The following AUTS2 variants were observed in gnomAD, a reference collection of about 807,000 sequenced individuals.
AUTS2 encodes activator of transcription and developmental regulator AUTS2, also known as autism susceptibility gene 2 protein.
In AUTS2, 17 loss-of-function variants were observed where a neutral mutation model predicts 112.4. The observed-to-expected ratio is 0.15, with a 90% CI of 0.10 to 0.23. The LOEUF is 0.23. Ranked by LOEUF, AUTS2 falls within the 10% of genes least tolerant of loss-of-function variation. AUTS2 has a pLI of 1.00. For synonymous variants in AUTS2, 751 were observed against 702.7 expected (o/e 1.07, Z -1.09); for missense variants, 1,510 against 1,701.6 (o/e 0.89, Z 1.98).
intron 5 of AUTS2, among the ~76,000 whole-genome samples, chr7:70,549,095 T>C (rs540421351): frequency 6.6e-6 from 1 of 152,242 alleles, no homozygotes; most frequent in Non-Finnish European, 1.5e-5. Flanking sequence ...CAATGTATTA[T>C]AGTTTTTGGT....
intron 2 of AUTS2, among the ~76,000 whole-genome samples, chr7:69,927,756 G>A (rs1397989077): frequency 2.6e-5 from 4 of 152,202 alleles, no homozygotes; most frequent in African/African-American, 2.4e-5. Flanking sequence ...CACAGGTACC[G>A]GCCCCATGTG....
chr7:70,241,796 A>G (rs1046786524), intron 4 of AUTS2, among the ~76,000 whole-genome samples: 1 of 152,298 alleles, frequency 6.6e-6, no homozygotes, highest in Non-Finnish European at 1.5e-5. Context: ...TTTACAGGCA[A>G]TGTTGCTCTC....
Position 70,438,353 on chromosome 7 carries a change from A to T in AUTS2, c.690+2572A>T, listed in dbSNP as rs370982368. ...GAGTCCAAGAGTGGCAATGGCAAGA[A>T]GGGAAGGGGTATTAGGAGTGTTCCT... On this transcript the variant is annotated intron_variant, in intron 5 of 18. Coordinates refer to ENST00000342771, the MANE Select transcript of AUTS2 (RefSeq NM_015570.4). Among the ~76,000 whole-genome samples the T allele has an allele frequency of 2.0e-4, 31 of 152,240 alleles. 1 individual carries two copies. The South Asian group carries it at 6.4e-3, about 32-fold the overall frequency.
intron 4 of AUTS2, among the ~76,000 whole-genome samples, chr7:70,206,358 T>C (rs917879169): frequency 6.6e-6 from 1 of 152,136 alleles, no homozygotes; most frequent in Non-Finnish European, 1.5e-5. Context: ...ACAGACCTTT[T>C]CTATCTGTTT....
At chr7:69,958,049 G>A (rs1419839791) in intron 2 of AUTS2, among the ~76,000 whole-genome samples, 1 of 152,154 alleles carries the variant, frequency 6.6e-6, no homozygotes, top group Non-Finnish European at 1.5e-5. Flanking sequence ...GATGTAGTGA[G>A]CAGCAACAGC....
At chr7:70,283,700 C>A (rs1485446717) in intron 4 of AUTS2, among the ~76,000 whole-genome samples, 2 of 152,120 alleles carry the variant, frequency 1.3e-5, no homozygotes, top group African/African-American at 2.4e-5. Context: ...CTGTTTGATA[C>A]CATTCATTTA....
In AUTS2 at chr7:70,781,678, C is replaced by T. The variant is rs144926407; in HGVS notation, c.2068C>T (p.Pro690Ser). The T allele has an allele frequency of 7.0e-5, 113 of 1,614,052 alleles. No individual in the cohort carries two copies. The African/African-American group carries it at 1.5e-3, about 21-fold the overall frequency. ...ACTGAAACCTGAGTTCCTGAGCCGC[C>T]CTCCAGGCCCCAGTCTTTTTGGAGC... ...FGLKPEFLSR[P>S]PGPSLFGAIH... The change falls in exon 15 of 19, where the codon CCT becomes TCT. Residue 690 changes from proline to serine, a missense_variant. Coordinates refer to ENST00000342771, the MANE Select transcript of AUTS2 (RefSeq NM_015570.4).
rs981274859 is a variant in AUTS2, at chr7:70,791,091, G to A, written c.*95G>A. ...AACTCCTGCATGGCTCACACAGACT[G>A]GGGGGGAAAGCCCCACCCCTTCCCC... On this transcript the variant is annotated 3_prime_UTR_variant, in exon 19 of 19. Transcript: ENST00000342771. 2.4e-6 allele frequency: 3 copies of A among 1,254,336 alleles called. No individual in the cohort carries two copies. Among genetic ancestry groups the A allele is most frequent in the Non-Finnish European group, 3.1e-6 (3 of 975,028 alleles). The allele number at this position is 1,254,336 out of a possible 1,614,324, so 77.7% of individuals were successfully genotyped here.
rs5884783 is a variant in AUTS2, at chr7:70,503,516, A to ATTTT, written c.690+67752_690+67755dup. ...GGGAACAGAGCAAGACTCCCGTCTC[A>ATTTT]TTTTTTTTTTTTTTTTTTTTGAGAT... On this transcript the variant is annotated intron_variant, in intron 5 of 18. Coordinates refer to ENST00000342771, the MANE Select transcript of AUTS2 (RefSeq NM_015570.4). Among the ~76,000 whole-genome samples the ATTTT allele has an allele frequency of 9.3e-3, 1,123 of 120,140 alleles. 25 individuals are homozygous for ATTTT. The highest frequency in any genetic ancestry group is 0.031 in the African/African-American group (977 of 31,072). The allele number at this position is 120,140 out of a possible 152,430, so 78.8% of individuals were successfully genotyped here. A position where few individuals can be genotyped will look rare whatever the true frequency, so the allele number is the denominator to read the frequency against.
chr7:70,116,392 C>T (rs983278024), intron 2 of AUTS2, among the ~76,000 whole-genome samples: 9 of 151,992 alleles, frequency 5.9e-5, no homozygotes, highest in Admixed American at 5.9e-4. Context: ...GAACTGTAGT[C>T]TTTAAAGACT....
chr7:70,205,235 A>G (rs1038582775), intron 4 of AUTS2, among the ~76,000 whole-genome samples: 1 of 152,094 alleles, frequency 6.6e-6, no homozygotes, highest in Admixed American at 6.6e-5. Context: ...TTTTGTAGAC[A>G]TGGGATCTCA....
intron 1 of AUTS2, among the ~76,000 whole-genome samples, chr7:69,876,820 CAT>C (rs1562944433): frequency 2.0e-5 from 3 of 152,082 alleles, no homozygotes; most frequent in South Asian, 4.2e-4. Flanking sequence ...ATGAGAAAAA[CAT>C]GTGTTGGTGA....
chr7:69,915,481 CT>C (rs1207748774), intron 2 of AUTS2, among the ~76,000 whole-genome samples: 1 of 152,140 alleles, frequency 6.6e-6, no homozygotes, highest in Non-Finnish European at 1.5e-5. Flanking sequence ...ATCTCAGTGG[CT>C]TTCAAACTGC....
chr7:69,870,751 G>A (rs769066687), intron 1 of AUTS2, among the ~76,000 whole-genome samples: 3 of 151,948 alleles, frequency 2.0e-5, no homozygotes, highest in African/African-American at 7.2e-5. Flanking sequence ...TAGGACAAAG[G>A]TGCCATTAAA....
intron 1 of AUTS2, among the ~76,000 whole-genome samples, chr7:69,767,664 G>A (rs1788486391): frequency 6.6e-6 from 1 of 152,242 alleles, no homozygotes; most frequent in Admixed American, 6.5e-5. Context: ...CCCATTGTAT[G>A]TGCAGTGGCT....
intron 4 of AUTS2, among the ~76,000 whole-genome samples, chr7:70,254,073 G>T (rs1250680730): frequency 6.6e-6 from 1 of 152,052 alleles, no homozygotes; most frequent in Non-Finnish European, 1.5e-5. Flanking sequence ...CTTACTTTCT[G>T]TCTAGCTCAT....
chr7:70,126,358 G>A (rs750793400), intron 3 of AUTS2, among the ~76,000 whole-genome samples: 1 of 152,094 alleles, frequency 6.6e-6, no homozygotes, highest in Non-Finnish European at 1.5e-5. Flanking sequence ...GCAGTGAGCC[G>A]AGATTGTGCC....
chr7:70,031,046 AAGGG>A (rs979532163), intron 2 of AUTS2, among the ~76,000 whole-genome samples: 109 of 152,260 alleles, frequency 7.2e-4, no homozygotes, highest in African/African-American at 2.5e-3. Flanking sequence ...GAAAGAAAGA[AAGGG>A]AGGGAGGGAG....
chr7:70,476,446 A>G (rs1472330517), intron 5 of AUTS2, among the ~76,000 whole-genome samples: 1 of 152,254 alleles, frequency 6.6e-6, no homozygotes, highest in African/African-American at 2.4e-5. Flanking sequence ...GACCAGAGAC[A>G]GAGTCTTTCC....
Sources: gnomAD v4.1 joint callset for allele counts (sites outside exome capture counted in the v4.1 genomes callset) on GRCh38, gnomAD v4.1.1 for gene constraint, MANE v1.5 for transcripts, NCBI Gene and HGNC (gene_info 2026-07-23, HGNC 2026-07-21) for gene names.